The following CDKAL1 variants were observed in gnomAD, a reference collection of about 807,000 sequenced individuals.
CDKAL1 encodes threonylcarbamoyladenosine tRNA methylthiotransferase.
CDKAL1 carries 32 observed loss-of-function variants against 68.2 expected under a neutral mutation model. That is an observed-to-expected ratio of 0.47 (90% CI 0.35 to 0.63). CDKAL1 has a LOEUF of 0.63. CDKAL1 is among the 30% of genes least tolerant of loss of function. The pLI is 0.00. For missense variants in CDKAL1, 606 were observed against 696.7 expected (o/e 0.87, Z 1.47); for synonymous variants, 234 against 244.3 (o/e 0.96, Z 0.39).
intron 4 of CDKAL1, among the ~76,000 whole-genome samples, chr6:20,594,810 G>T (rs1392635501): frequency 6.6e-6 from 1 of 152,122 alleles, no homozygotes; most frequent in Non-Finnish European, 1.5e-5. Flanking sequence ...TTTTGCAGTG[G>T]CTGGTACTGG....
intron 6 of CDKAL1, among the ~76,000 whole-genome samples, chr6:20,748,237 G>A (rs915831435): frequency 1.3e-5 from 2 of 152,220 alleles, no homozygotes; most frequent in East Asian, 1.9e-4. Flanking sequence ...GCCTGTAATT[G>A]CCGCAACTCA....
At chr6:20,928,540 G>T (rs189887965) in intron 9 of CDKAL1, among the ~76,000 whole-genome samples, 43 of 152,274 alleles carry the variant, frequency 2.8e-4, no homozygotes, top group African/African-American at 9.4e-4. Context: ...ACCTTAAGCT[G>T]ATCTGATCTA....
intron 5 of CDKAL1, among the ~76,000 whole-genome samples, chr6:20,672,042 A>T (rs959951574): frequency 3.3e-5 from 5 of 152,092 alleles, no homozygotes; most frequent in African/African-American, 1.2e-4. Context: ...GTTTATTTGT[A>T]TTCCATCTAC....
intron 13 of CDKAL1, among the ~76,000 whole-genome samples, chr6:21,134,566 G>A (rs1016577971): frequency 4.6e-5 from 7 of 152,178 alleles, no homozygotes; most frequent in South Asian, 2.1e-4. Flanking sequence ...TAATGCTTGC[G>A]TGCTGCGGAA....
intron 12 of CDKAL1, among the ~76,000 whole-genome samples, chr6:21,107,885 G>T (rs1773928151): frequency 1.3e-5 from 2 of 152,246 alleles, no homozygotes; most frequent in South Asian, 4.2e-4. Context: ...ACCATGCAGG[G>T]TACCTAGGCT....
chr6:20,577,097 C>T (rs1019886249), intron 4 of CDKAL1, among the ~76,000 whole-genome samples: 1 of 152,108 alleles, frequency 6.6e-6, no homozygotes, highest in African/African-American at 2.4e-5. Flanking sequence ...TCCACATTTC[C>T]CTTCGTTGTT....
chr6:20,692,848 C>T (rs998311114), intron 5 of CDKAL1, among the ~76,000 whole-genome samples: 7 of 151,716 alleles, frequency 4.6e-5, no homozygotes, highest in South Asian at 2.1e-4. Flanking sequence ...CAGTTGTGGC[C>T]GGGTGCGGTG....
intron 5 of CDKAL1, among the ~76,000 whole-genome samples, chr6:20,704,598 G>A (rs1771516970): frequency 6.6e-6 from 1 of 152,120 alleles, no homozygotes; most frequent in African/African-American, 2.4e-5. Flanking sequence ...TTAATGAATA[G>A]CTTTGAATAT....
intron 11 of CDKAL1, among the ~76,000 whole-genome samples, chr6:21,002,708 C>G (rs1377670811): frequency 1.3e-5 from 2 of 151,520 alleles, no homozygotes; most frequent in Admixed American, 1.3e-4. Context: ...TGATCCTAGG[C>G]CCAGTGCGGT....
chr6:20,585,331 C>T (rs1313969675), intron 4 of CDKAL1, among the ~76,000 whole-genome samples: 16 of 152,168 alleles, frequency 1.1e-4, no homozygotes, highest in Non-Finnish European at 1.9e-4. Flanking sequence ...GGATTACAGG[C>T]GTGAGCCACT....
intron 8 of CDKAL1, among the ~76,000 whole-genome samples, chr6:20,833,892 T>C (rs1365197993): frequency 6.6e-6 from 1 of 152,108 alleles, no homozygotes; most frequent in East Asian, 1.9e-4. Flanking sequence ...TTTGGAACAG[T>C]GGTTCTCGGC....
intron 13 of CDKAL1, among the ~76,000 whole-genome samples, chr6:21,195,772 A>C (rs1302269143): frequency 2.0e-5 from 3 of 148,094 alleles, no homozygotes; most frequent in Admixed American, 6.7e-5. Flanking sequence ...TGCCTCCCAA[A>C]GTGCTGGGAT....
intron 7 of CDKAL1, among the ~76,000 whole-genome samples, chr6:20,780,288 T>C (rs1191934846): frequency 6.6e-6 from 1 of 152,206 alleles, no homozygotes; most frequent in African/African-American, 2.4e-5. Flanking sequence ...TTAATGGCTC[T>C]TAATAGTGAT....
chr6:21,082,943 G>A (rs986429132), intron 12 of CDKAL1, among the ~76,000 whole-genome samples: 1 of 146,010 alleles, frequency 6.8e-6, no homozygotes, highest in African/African-American at 2.5e-5. Flanking sequence ...GCACAGTCAC[G>A]GCTCCCTGCA....
intron 4 of CDKAL1, among the ~76,000 whole-genome samples, chr6:20,639,197 A>G (rs963027184): frequency 9.2e-5 from 14 of 152,224 alleles, no homozygotes; most frequent in Non-Finnish European, 1.5e-4. Context: ...TATAATGAAC[A>G]GACTTCAAGT....
intron 10 of CDKAL1, among the ~76,000 whole-genome samples, chr6:20,983,291 A>T (rs2150778572): frequency 6.6e-6 from 1 of 152,354 alleles, no homozygotes; most frequent in South Asian, 2.1e-4. Flanking sequence ...TAGTTAACTT[A>T]GTTTAAACGC....
intron 7 of CDKAL1, among the ~76,000 whole-genome samples, chr6:20,777,834 C>A (rs1775238077): frequency 6.6e-6 from 1 of 152,092 alleles, no homozygotes; most frequent in Non-Finnish European, 1.5e-5. Flanking sequence ...ATAAACTAGG[C>A]ACAGTAAGAG....
intron 11 of CDKAL1, among the ~76,000 whole-genome samples, chr6:21,011,448 A>G (rs1768013713): frequency 6.6e-6 from 1 of 152,220 alleles, no homozygotes; most frequent in South Asian, 2.1e-4. Flanking sequence ...GTCCCTGTGA[A>G]TTAACATTAA....
Position 21,201,281 on chromosome 6 carries a change from A to G in CDKAL1, c.1548+7A>G, listed in dbSNP as rs766311212. The G allele has an allele frequency of 1.2e-6, 2 of 1,602,212 alleles. No individual in the cohort carries two copies. Among genetic ancestry groups the G allele is most frequent in the Non-Finnish European group, 1.7e-6 (2 of 1,170,250 alleles). On this transcript the variant is annotated splice_region_variant and intron_variant, in intron 15 of 15. Coordinates refer to ENST00000274695, the MANE Select transcript of CDKAL1 (RefSeq NM_017774.3). ...AGTCTCGGGTTTGACAAAGGTAAGTAAAAGATGCTCTCCTCTCTACCCTGC... is the reference window on the plus strand; with the variant it reads ...AGTCTCGGGTTTGACAAAGGTAAGTGAAAGATGCTCTCCTCTCTACCCTGC...
Sources: gnomAD v4.1 joint callset for allele counts (sites outside exome capture counted in the v4.1 genomes callset) on GRCh38, gnomAD v4.1.1 for gene constraint, MANE v1.5 for transcripts, NCBI Gene and HGNC (gene_info 2026-07-23, HGNC 2026-07-21) for gene names.